The following STEAP1 variants were observed in gnomAD, a reference collection of about 807,000 sequenced individuals.
STEAP1 encodes the protein STEAP1 protein.
A neutral mutation model predicts 34.4 loss-of-function variants in STEAP1; 30 were observed. That is an observed-to-expected ratio of 0.87 (90% confidence interval 0.65 to 1.18). STEAP1 has a LOEUF of 1.18. Among genes scored for constraint, STEAP1 ranks in the 50% most tolerant of loss-of-function variants. The pLI is 0.00. For synonymous variants in STEAP1, 116 were observed against 135.3 expected (o/e 0.86, Z 0.99); for missense variants, 318 against 391.1 (o/e 0.81, Z 1.58).
intron 1 of STEAP1, 43 bp from the exon 2 acceptor site, chr7:90,159,715 A>G (rs1235197349): frequency 1.8e-6 from 2 of 1,117,176 alleles, no homozygotes; most frequent in South Asian, 2.1e-5. Context: ...CATTCACATC[A>G]TAAGTAGAAT....
chr7:90,161,400 A>G (rs1794184809), intron 3 of STEAP1, 83 bp downstream of exon 3: 28 of 1,423,884 alleles, frequency 2.0e-5, no homozygotes, highest in Non-Finnish European at 2.6e-5. Flanking sequence ...TAATATCAAT[A>G]CCCCAACCCT....
At position 90,161,176 on chromosome 7, in the gene STEAP1, T is replaced by C; in HGVS notation, c.456T>C (p.His152=). 6.2e-7 allele frequency: 1 copy of C among 1,614,004 alleles called. No individual in the cohort carries two copies. Among genetic ancestry groups the C allele is most frequent in the Non-Finnish European group, 8.5e-7 (1 of 1,179,870 alleles). The change falls in exon 3 of 5, where the codon CAT becomes CAC. Residue 152 remains histidine (H), a synonymous_variant. Coordinates refer to ENST00000297205, the MANE Select transcript of STEAP1 (RefSeq NM_012449.3). ...HNGTKYKKFP[H]WLDKWMLTRK... is the part of the protein sequence containing the mutation. ...GAACCAAGTATAAGAAGTTTCCACA[T>C]TGGTTGGATAAGTGGATGTTAACAA...
intron 4 of STEAP1, among the ~76,000 whole-genome samples, chr7:90,162,734 T>A (rs1031096451): frequency 1.3e-5 from 2 of 152,186 alleles, no homozygotes; most frequent in African/African-American, 4.8e-5. Flanking sequence ...AAAAATATTC[T>A]TTTACCTGTC....
Position 90,160,953 on chromosome 7 carries a change from C to T in STEAP1, c.233C>T (p.Ala78Val), listed in dbSNP as rs367749466. Residue 78 changes from alanine to valine, a missense_variant, in exon 3 of 5, where the codon GCT (alanine) becomes GTT (valine). Ala to Val is a moderately conservative substitution (Grantham distance 64, BLOSUM62 0). Transcript: ENST00000297205. ...FPQWHLPIKIAAIIASLTFLY... is the reference protein window; with the variant it reads ...FPQWHLPIKIVAIIASLTFLY... ...CAGTGGCACTTGCCAATTAAAATAG[C>T]TGCTATTATAGCATCTCTGACTTTT... 1 of 1,613,898 alleles carries T rather than the reference C, an allele frequency of 6.2e-7. No homozygotes were observed. The highest frequency in any genetic ancestry group is 1.3e-5 in the African/African-American group (1 of 74,936).
intron 1 of STEAP1, among the ~76,000 whole-genome samples, chr7:90,159,389 C>T (rs1006825123): frequency 1.3e-4 from 20 of 152,212 alleles, no homozygotes; most frequent in Admixed American, 9.2e-4. Flanking sequence ...TTATTACTCT[C>T]AATATAATAC....
chr7:90,160,996 G>A lies in STEAP1; in HGVS notation c.276G>A (p.Arg92=). The A allele has an allele frequency of 6.2e-7, 1 of 1,613,924 alleles. No individual in the cohort carries two copies. The highest frequency in any genetic ancestry group is 1.1e-5 in the South Asian group (1 of 91,052). Residue 92 remains arginine, a synonymous_variant, in exon 3 of 5, where the codon AGG becomes AGA. Coordinates refer to ENST00000297205, the MANE Select transcript of STEAP1 (RefSeq NM_012449.3). ...ASLTFLYTLL[R]EVIHPLATSH... ...TGACTTTTCTTTACACTCTTCTGAG[G>A]GAAGTAATTCACCCTTTAGCAACTT... is the stretch of plus-strand genomic sequence containing the variant.
At position 90,164,583 on chromosome 7, in the gene STEAP1, C is replaced by A; in HGVS notation, c.869C>A (p.Thr290Asn). 6.2e-7 allele frequency: 1 copy of A among 1,613,772 alleles called. No individual in the cohort carries two copies. The highest frequency in any genetic ancestry group is 1.1e-5 in the South Asian group (1 of 91,066). The change falls in exon 5 of 5, where the codon ACT (threonine) becomes AAT (asparagine). Residue 290 changes from threonine to asparagine, a missense_variant. Transcript: ENST00000297205. ...IKQFVWYTPP[T>N]FMIAVFLPIV... ...CAATTTGTATGGTATACACCTCCAA[C>A]TTTTATGATAGCTGTTTTCCTTCCA...
At chr7:90,160,231 A>G (rs1279366311) in intron 2 of STEAP1, among the ~76,000 whole-genome samples, 1 of 152,154 alleles carries the variant, frequency 6.6e-6, no homozygotes, top group African/African-American at 2.4e-5. Context: ...CAATGCCCAT[A>G]TAACAGTAAT....
rs1437177623 is a variant in STEAP1, at chr7:90,164,527, T to C, written c.813T>C (p.Ile271=). The change falls in exon 5 of 5, where the codon ATT becomes ATC. Residue 271 remains isoleucine (I), a synonymous_variant. Coordinates refer to ENST00000297205, the MANE Select transcript of STEAP1 (RefSeq NM_012449.3). ...TACTGGGCACAATACACGCATTGAT[T>C]TTTGCCTGGAATAAGTGGATAGATA... is the stretch of plus-strand genomic sequence containing the variant. ...SLLLGTIHAL[I]FAWNKWIDIK... 6.2e-7 allele frequency: 1 copy of C among 1,613,420 alleles called. No individual in the cohort carries two copies. The highest frequency in any genetic ancestry group is 8.5e-7 in the Non-Finnish European group (1 of 1,179,642).
intron 4 of STEAP1, chr7:90,163,005 C>A: frequency 2.4e-6 from 1 of 423,818 alleles, no homozygotes; most frequent in Non-Finnish European, 5.2e-6. Flanking sequence ...GTGCCAGAAT[C>A]ACTCTGGGAT....
chr7:90,164,641 C>G lies in STEAP1; in HGVS notation c.927C>G (p.Phe309Leu). Reference protein sequence around the residue: ...IVVLIFKSILFLPCLRKKILK... With the variant: ...IVVLIFKSILLLPCLRKKILK... ...TCCTGATATTTAAAAGCATACTATT[C>G]CTGCCATGCTTGAGGAAGAAGATAC... Residue 309 changes from phenylalanine to leucine, a missense_variant, in exon 5 of 5, where the codon TTC becomes TTG. Coordinates refer to ENST00000297205, the MANE Select transcript of STEAP1 (RefSeq NM_012449.3). The G allele has an allele frequency of 6.2e-7, 1 of 1,613,724 alleles. No individual in the cohort carries two copies. The highest frequency in any genetic ancestry group is 8.5e-7 in the Non-Finnish European group (1 of 1,179,808).
At chr7:90,159,109 G>A (rs1343428254) in intron 1 of STEAP1, among the ~76,000 whole-genome samples, 2 of 152,172 alleles carry the variant, frequency 1.3e-5, no homozygotes, top group Admixed American at 1.3e-4. Context: ...CTGTGAGTTT[G>A]CTAAGGAAAA....
chr7:90,160,861 C>T lies in STEAP1; in HGVS notation c.141C>T (p.His47=). The change falls in exon 3 of 5, where the codon CAC becomes CAT. Residue 47 remains histidine (H), a synonymous_variant. Coordinates refer to ENST00000297205, the MANE Select transcript of STEAP1 (RefSeq NM_012449.3). The part of the protein sequence containing the change: ...MLKRPVLLHL[H]QTAHADEFDC... ...AAAGACCTGTGCTTTTGCATTTGCA[C>T]CAAACAGCCCATGCTGATGAATTTG... 1 of 1,518,172 alleles carries T rather than the reference C, an allele frequency of 6.6e-7. No individual in the cohort carries two copies. The highest frequency in any genetic ancestry group is 9.1e-7 in the Non-Finnish European group (1 of 1,102,330). The allele number at this position is 1,518,172 out of a possible 1,614,324, so 94.0% of individuals were successfully genotyped here. A position where few individuals can be genotyped will look rare whatever the true frequency, so the allele number is the denominator to read the frequency against.
At chr7:90,156,928 C>T (rs1794125676) in intron 1 of STEAP1, among the ~76,000 whole-genome samples, 1 of 152,150 alleles carries the variant, frequency 6.6e-6, no homozygotes, top group Non-Finnish European at 1.5e-5. Flanking sequence ...ATTACCCAGC[C>T]TCAGGTATTT....
In STEAP1 at chr7:90,164,721, G is replaced by C. The variant is rs368403647; in HGVS notation, c.1007G>C (p.Cys336Ser). Residue 336 changes from cysteine (C) to serine (S), a missense_variant, in exon 5 of 5, where the codon TGT (cysteine) becomes TCT (serine). Physicochemically the swap from Cys to Ser is moderately radical, Grantham distance 112. Coordinates refer to ENST00000297205, the MANE Select transcript of STEAP1 (RefSeq NM_012449.3). ...DVTKINKTEI[C>S]SQL ...ACCAAAATTAACAAAACTGAGATAT[G>C]TTCCCAGTTGTAGAATTACTGTTTA... The C allele has an allele frequency of 1.8e-5, 29 of 1,609,916 alleles. No individual in the cohort carries two copies. The African/African-American group carries it at 3.6e-4, about 20-fold the overall frequency.
Position 90,160,969 on chromosome 7 carries a change from T to C in STEAP1, c.249T>C (p.Ser83=). 1 of 1,614,026 alleles carries C rather than the reference T, an allele frequency of 6.2e-7. No homozygotes were observed. The part of the protein sequence containing the change: ...LPIKIAAIIA[S]LTFLYTLLRE... ...TTAAAATAGCTGCTATTATAGCATC[T>C]CTGACTTTTCTTTACACTCTTCTGA... is the stretch of plus-strand genomic sequence containing the variant. Residue 83 remains serine (S), a synonymous_variant, in exon 3 of 5, where the codon TCT becomes TCC. Transcript: ENST00000297205.
Position 90,164,791 on chromosome 7 carries a change from C to G in STEAP1, c.*57C>G. 6.9e-7 allele frequency: 1 copy of G among 1,454,494 alleles called. No individual in the cohort carries two copies. The highest frequency in any genetic ancestry group is 1.4e-5 in the South Asian group (1 of 71,550). 90.1% of individuals were successfully genotyped at this position (1,454,494 alleles called of 1,614,324 possible). A position where few individuals can be genotyped will look rare whatever the true frequency, so the allele number is the denominator to read the frequency against. On this transcript the variant is annotated 3_prime_UTR_variant, in exon 5 of 5. Coordinates refer to ENST00000297205, the MANE Select transcript of STEAP1 (RefSeq NM_012449.3). ...TTGATATATTTTATCACCAACATTT[C>G]AAGTTTGTATTTGTTAATAAAATGA... is the stretch of plus-strand genomic sequence containing the variant.
At chr7:90,163,605 A>C (rs1157711595) in intron 4 of STEAP1, among the ~76,000 whole-genome samples, 1 of 152,196 alleles carries the variant, frequency 6.6e-6, no homozygotes, top group Non-Finnish European at 1.5e-5. Context: ...GATTGTATTC[A>C]CTGGGACTTA....
intron 1 of STEAP1, among the ~76,000 whole-genome samples, chr7:90,157,902 T>C (rs1167279803): frequency 2.0e-5 from 3 of 152,180 alleles, no homozygotes; most frequent in East Asian, 1.9e-4. Context: ...GGAAACATCA[T>C]AGAGTGTACT....
Sources: allele counts gnomAD v4.1 joint callset (sites outside exome capture counted in the v4.1 genomes callset), GRCh38; gene constraint gnomAD v4.1.1; transcripts MANE v1.5; gene names NCBI Gene and HGNC (gene_info 2026-07-23, HGNC 2026-07-21).